Variants in CRACD observed in about 807,000 individuals in gnomAD.
CRACD encodes the protein capping protein-inhibiting regulator of actin dynamics.
Under a neutral mutation model 106.8 loss-of-function variants are expected in CRACD, and 56 were observed. That is an observed-to-expected ratio of 0.52 (90% CI 0.42 to 0.66). The LOEUF (loss-of-function observed/expected upper bound fraction) is 0.66, where lower values mean the gene tolerates loss of function less well. Among genes scored for constraint, CRACD ranks in the 30% least tolerant of loss-of-function variants. CRACD has a pLI of 0.00. For synonymous variants in CRACD, 754 were observed against 670.8 expected, an observed-to-expected ratio of 1.12 and a Z score of -1.92; for missense variants, 1,730 against 1,623.2, an observed-to-expected ratio of 1.07 and a Z score of -1.13.
chr4:56,232,534 A>G (rs1040580880), intron 2 of CRACD, among the ~76,000 whole-genome samples: 1 of 152,104 alleles, frequency 6.6e-6, no homozygotes, highest in South Asian at 2.1e-4. Context: ...AGGTAGATGT[A>G]TGCTTAACTT....
intron 8 of CRACD, among the ~76,000 whole-genome samples, chr4:56,318,687 T>C (rs1301763680): frequency 6.6e-6 from 1 of 152,218 alleles, no homozygotes; most frequent in Non-Finnish European, 1.5e-5. Flanking sequence ...AGAAATAGCC[T>C]GAAAGCAAGG....
At chr4:56,104,419 A>T (rs1733878509) in intron 1 of CRACD, among the ~76,000 whole-genome samples, 1 of 152,122 alleles carries the variant, frequency 6.6e-6, no homozygotes, top group Admixed American at 6.5e-5. Context: ...AAAAAAACAA[A>T]CAAAACCAAA....
In CRACD at chr4:56,141,451, G is replaced by A. The variant is rs146615323; in HGVS notation, c.-335-37833G>A. On this transcript the variant is annotated intron_variant, in intron 1 of 10. Transcript: ENST00000682029. ...GGTTCCTTAAAGATTATCTTTCTTGGCTGGGTGTGGTGGCTCACACTTGTA... is the reference window on the plus strand; with the variant it reads ...GGTTCCTTAAAGATTATCTTTCTTGACTGGGTGTGGTGGCTCACACTTGTA... Among the ~76,000 whole-genome samples the A allele has an allele frequency of 4.3e-3, 652 of 152,000 alleles. 1 individual carries two copies. The highest frequency in any genetic ancestry group is 0.015 in the African/African-American group (613 of 41,486).
chr4:56,292,879 T>C (rs2109705494), intron 3 of CRACD, among the ~76,000 whole-genome samples: 1 of 152,052 alleles, frequency 6.6e-6, no homozygotes, highest in South Asian at 2.1e-4. Flanking sequence ...TTACCAAGCA[T>C]CTAAGAAACA....
In CRACD at chr4:56,313,956, G is replaced by T; in HGVS notation, c.538-84G>T. ...CCAGGTGTTCTTGAGAAATTAAGAG[G>T]GTCGCTGGCACTGTGAATAGGAAAA... On this transcript the variant is annotated intron_variant, in intron 7 of 10. Transcript: ENST00000682029. 4 of 1,509,788 alleles carry T rather than the reference G, an allele frequency of 2.6e-6. No homozygotes were observed. In the South Asian group the frequency reaches 5.4e-5, roughly 20 times the overall value. 93.5% of individuals were successfully genotyped at this position (1,509,788 alleles called of 1,614,324 possible).
chr4:56,094,421 C>CTTTTTTT (rs1050719130), intron 1 of CRACD, among the ~76,000 whole-genome samples: 3 of 117,096 alleles, frequency 2.6e-5, no homozygotes, highest in Admixed American at 8.9e-5. Flanking sequence ...CATATAGATT[C>CTTTTTTT]TTTTTTTTTT....
chr4:56,064,044 T>A (rs562695509), intron 1 of CRACD, among the ~76,000 whole-genome samples: 12 of 152,222 alleles, frequency 7.9e-5, no homozygotes, highest in Non-Finnish European at 1.6e-4. Flanking sequence ...GCCATCCTAA[T>A]GGATGTGAAG....
chr4:56,248,188 A>G (rs1349619804), intron 2 of CRACD, among the ~76,000 whole-genome samples: 1 of 152,214 alleles, frequency 6.6e-6, no homozygotes, highest in Non-Finnish European at 1.5e-5. Context: ...AGAACAGCAC[A>G]GTGCAATTTG....
At chr4:56,268,791 A>G (rs768721093) in intron 2 of CRACD, among the ~76,000 whole-genome samples, 1 of 152,242 alleles carries the variant, frequency 6.6e-6, no homozygotes, top group Non-Finnish European at 1.5e-5. Flanking sequence ...AACCTTTGTA[A>G]GGACATTCTT....
intron 1 of CRACD, among the ~76,000 whole-genome samples, chr4:56,135,084 C>G (rs1433346300): frequency 6.6e-6 from 1 of 152,074 alleles, no homozygotes; most frequent in African/African-American, 2.4e-5. Context: ...GAGTTCAAGA[C>G]CAGCCTGGCC....
chr4:56,127,906 G>C (rs1427807707), intron 1 of CRACD, among the ~76,000 whole-genome samples: 3 of 152,190 alleles, frequency 2.0e-5, no homozygotes. Context: ...AGCACATATG[G>C]AAGCTGTCTG....
At position 56,313,205 on chromosome 4, in the gene CRACD, C is replaced by A; in HGVS notation, c.363C>A (p.Pro121=). Residue 121 remains proline, a synonymous_variant, in exon 7 of 11, where the codon CCC becomes CCA. Coordinates refer to ENST00000682029, the MANE Select transcript of CRACD (RefSeq NM_001393381.1). ...AGSEMEEKVA[P]VKPSRPKRHF... is the part of the protein sequence containing the mutation. ...TTTAATCTCCCCTACAGGTTGCTCCCGTTAAACCGTCTCGGCCAAAAAGGC... is the reference window on the plus strand; with the variant it reads ...TTTAATCTCCCCTACAGGTTGCTCCAGTTAAACCGTCTCGGCCAAAAAGGC... The A allele has an allele frequency of 6.2e-7, 1 of 1,613,966 alleles. No individual in the cohort carries two copies. Among genetic ancestry groups the A allele is most frequent in the Non-Finnish European group, 8.5e-7 (1 of 1,179,936 alleles).
Position 56,314,210 on chromosome 4 carries a change from G to T in CRACD, c.708G>T (p.Lys236Asn). ...GGCGAGAACTGGAGGCCAAGTGCAA[G>T]CGGCAAAAGGCGGAAGCAGCCGAGA... is the stretch of plus-strand genomic sequence containing the variant. ...DYWRELEAKC[K>N]RQKAEAAEKR... is the part of the protein sequence containing the mutation. Residue 236 changes from lysine to asparagine, a missense_variant, in exon 8 of 11, where the codon AAG (lysine) becomes AAT (asparagine). Physicochemically the swap from Lys to Asn is moderately conservative, Grantham distance 94 (BLOSUM62 0). Transcript: ENST00000682029. The surrounding 1 kb of genome is among the most constrained non-coding windows in gnomAD (Gnocchi z 4.4). 6.2e-7 allele frequency: 1 copy of T among 1,608,124 alleles called. No homozygotes were observed. Among genetic ancestry groups the T allele is most frequent in the East Asian group, 2.2e-5 (1 of 44,722 alleles).
chr4:56,291,731 C>T (rs1041824881), intron 3 of CRACD, among the ~76,000 whole-genome samples: 1 of 152,154 alleles, frequency 6.6e-6, no homozygotes, highest in Admixed American at 6.6e-5. Context: ...TCTTGAAACC[C>T]TCACCAGAAG....
chr4:56,071,476 C>T, intron 1 of CRACD, among the ~76,000 whole-genome samples: 1 of 150,382 alleles, frequency 6.6e-6, no homozygotes, highest in East Asian at 1.9e-4. Context: ...TTAACAATTG[C>T]TGTTAGCACA....
intron 2 of CRACD, among the ~76,000 whole-genome samples, chr4:56,224,439 T>G (rs567716723): frequency 1.3e-5 from 2 of 152,356 alleles, no homozygotes; most frequent in South Asian, 4.1e-4. Flanking sequence ...CTAAATTTTC[T>G]TGTGTTTTAA....
chr4:56,081,167 G>A (rs1050486566), intron 1 of CRACD, among the ~76,000 whole-genome samples: 4 of 152,090 alleles, frequency 2.6e-5, no homozygotes, highest in Non-Finnish European at 1.5e-5. Flanking sequence ...CCTGTCTTTT[G>A]TTCAAATTAT....
intron 2 of CRACD, among the ~76,000 whole-genome samples, chr4:56,258,840 T>C (rs1741522399): frequency 6.6e-6 from 1 of 152,170 alleles, no homozygotes; most frequent in Admixed American, 6.5e-5. Flanking sequence ...GGAAGAGGTA[T>C]GTGGATAGAT....
chr4:56,262,938 C>T (rs1741792797), intron 2 of CRACD, among the ~76,000 whole-genome samples: 1 of 152,162 alleles, frequency 6.6e-6, no homozygotes, highest in Non-Finnish European at 1.5e-5. Context: ...CAAAACACAG[C>T]TGGCCCTAAG....
Sources: gnomAD v4.1 joint callset for allele counts (sites outside exome capture counted in the v4.1 genomes callset) on GRCh38, gnomAD v4.1.1 for gene constraint, Gnocchi (gnomAD v3.1) non-coding constraint, MANE v1.5 for transcripts, NCBI Gene and HGNC (gene_info 2026-07-23, HGNC 2026-07-21) for gene names.